Variants in RHOBTB3 observed in about 807,000 individuals in gnomAD.
The protein encoded by RHOBTB3 is Rho related BTB domain containing 3, also known as rho-related BTB domain-containing protein 3.
In RHOBTB3, 47 loss-of-function variants were observed where a neutral mutation model predicts 67.2. That is an observed-to-expected ratio of 0.70 (90% CI 0.55 to 0.89). The LOEUF (loss-of-function observed/expected upper bound fraction) is 0.89. Ranked by LOEUF, RHOBTB3 falls within the 40% of genes least tolerant of loss-of-function variation. The pLI, the probability that RHOBTB3 is intolerant of heterozygous loss-of-function variation, is 0.00. For missense variants in RHOBTB3, 631 were observed against 750.0 expected, an observed-to-expected ratio of 0.84 and a Z score of 1.85; for synonymous variants, 273 against 274.2, an observed-to-expected ratio of 1.00 and a Z score of 0.04.
rs1361867124 is a variant in RHOBTB3 at position 95,776,300 on chromosome 5, G to A, written c.1283-3952G>A. Among the ~76,000 whole-genome samples the A allele has an allele frequency of 3.9e-5, 6 of 152,038 alleles. No homozygotes were observed. In the South Asian group the frequency reaches 6.2e-4, roughly 16 times the overall value. ...CAGACGCCTATAATCCCAGCTACTCGGAAGGCTGAGGCACAAGAATCACTT... is the reference window on the plus strand; with the variant it reads ...CAGACGCCTATAATCCCAGCTACTCAGAAGGCTGAGGCACAAGAATCACTT... On this transcript the variant is annotated intron_variant, in intron 8 of 11. Coordinates refer to ENST00000379982, the MANE Select transcript of RHOBTB3 (RefSeq NM_014899.4).
rs369025051 is a variant in RHOBTB3, at chr5:95,748,444, A to G, written c.527A>G (p.His176Arg). The G allele has an allele frequency of 1.2e-6, 2 of 1,613,616 alleles. No homozygotes were observed. The highest frequency in any genetic ancestry group is 1.7e-6 in the Non-Finnish European group (2 of 1,179,634). Residue 176 changes from histidine (H) to arginine (R), a missense_variant, in exon 4 of 12, where the codon CAC becomes CGC. Transcript: ENST00000379982. ...CTAGGAGCGACCTATCTTGAACTCC[A>G]CAGCCTTGATGACTTCTACATAGGA... is the stretch of plus-strand genomic sequence containing the variant. ...KELGATYLELHSLDDFYIGKY... is the reference protein window; with the variant it reads ...KELGATYLELRSLDDFYIGKY...
Position 95,748,486 on chromosome 5 carries a change from T to C in RHOBTB3, c.569T>C (p.Val190Ala), listed in dbSNP as rs539990691. The change falls in exon 4 of 12, where the codon GTG becomes GCG. Residue 190 changes from valine to alanine, a missense_variant and splice_region_variant. Transcript: ENST00000379982. ...DFYIGKYFGG[V>A]LEYFMIQALN... The stretch of plus-strand genomic sequence containing the variant: ...TACATAGGAAAGTATTTTGGAGGAG[T>C]GGTAAGTGGAAATTCCTGTTAAGTA... The C allele has an allele frequency of 5.6e-6, 9 of 1,604,886 alleles. No individual in the cohort carries two copies. The South Asian group carries it at 1.0e-4, about 18-fold the overall frequency.
At chr5:95,719,154 T>C (rs1754785768) in intron 1 of RHOBTB3, among the ~76,000 whole-genome samples, 1 of 152,158 alleles carries the variant, frequency 6.6e-6, no homozygotes, top group Non-Finnish European at 1.5e-5. Flanking sequence ...ATACTGAGCA[T>C]TTAATGAACA....
At chr5:95,729,135 A>G (rs991481041), upstream of RHOBTB3, among the ~76,000 whole-genome samples, 23 of 152,232 alleles carry the variant, frequency 1.5e-4, no homozygotes, top group African/African-American at 5.3e-4. Flanking sequence ...AGCCCATGAC[A>G]CTGCTCTGCC....
intron 8 of RHOBTB3, among the ~76,000 whole-genome samples, chr5:95,774,786 G>A (rs533847731): frequency 6.6e-6 from 1 of 152,042 alleles, no homozygotes; most frequent in African/African-American, 2.4e-5. Context: ...TGATACAACT[G>A]TATGTTTTTA....
intron 4 of RHOBTB3, chr5:95,751,470 A>G (rs1745087720): frequency 7.0e-6 from 1 of 143,048 alleles, no homozygotes. Context: ...TCTAAAATTA[A>G]AAAAAAAAAA....
chr5:95,748,370 C>T lies in RHOBTB3; in HGVS notation c.453C>T (p.Asp151=). 6.2e-7 allele frequency: 1 copy of T among 1,612,780 alleles called. No homozygotes were observed. The highest frequency in any genetic ancestry group is 8.5e-7 in the Non-Finnish European group (1 of 1,179,090). The change falls in exon 4 of 12, where the codon GAC becomes GAT. Residue 151 remains aspartate, a synonymous_variant. Coordinates refer to ENST00000379982, the MANE Select transcript of RHOBTB3 (RefSeq NM_014899.4). ...GTACATGCCCACTATGTACCTCAGA[C>T]AGAGGGAGCTGTGTTAGTACAACTG... is the stretch of plus-strand genomic sequence containing the variant. The part of the protein sequence containing the change: ...LPCTCPLCTS[D]RGSCVSTTEG...
In RHOBTB3 at chr5:95,731,856, C is replaced by A; in HGVS notation, c.3-3C>A. On this transcript the variant is annotated splice_region_variant and splice_polypyrimidine_tract_variant and intron_variant, in intron 1 of 11. Transcript: ENST00000379982. Reference sequence around the variant, plus strand: ...TCTCCCCTCGCCCCCTCTGTCCGTGCAGGTCCATCCACATCGTGGCGCTGG... The same window carrying A: ...TCTCCCCTCGCCCCCTCTGTCCGTGAAGGTCCATCCACATCGTGGCGCTGG... The A allele has an allele frequency of 1.2e-6, 2 of 1,611,224 alleles. No homozygotes were observed. The highest frequency in any genetic ancestry group is 1.7e-6 in the Non-Finnish European group (2 of 1,177,920).
At chr5:95,790,348 G>A (rs1425580123) in intron 11 of RHOBTB3, among the ~76,000 whole-genome samples, 2 of 152,122 alleles carry the variant, frequency 1.3e-5, no homozygotes, top group African/African-American at 4.8e-5. Flanking sequence ...ATTGCACTTT[G>A]GTCCTGGAGC....
chr5:95,778,839 C>T (rs1394692300), intron 8 of RHOBTB3, among the ~76,000 whole-genome samples: 1 of 152,178 alleles, frequency 6.6e-6, no homozygotes, highest in East Asian at 1.9e-4. Flanking sequence ...GACACTGTCC[C>T]AGTGAGGCGA....
rs1372321961 is a variant in RHOBTB3 at position 95,741,305 on chromosome 5, A to G, written c.415+4230A>G. Among the ~76,000 whole-genome samples, 48 of 150,312 alleles carry G rather than the reference A, an allele frequency of 3.2e-4. 1 individual carries two copies. The highest frequency in any genetic ancestry group is 5.9e-5 in the Non-Finnish European group (4 of 67,636). ...ATCGCACCACTGCACTCCAGCCTGG[A>G]CGACAGAGCGAGACTCTGACTAAAA... is the stretch of plus-strand genomic sequence containing the variant. On this transcript the variant is annotated intron_variant, in intron 3 of 11. Transcript: ENST00000379982.
intron 10 of RHOBTB3, among the ~76,000 whole-genome samples, chr5:95,787,491 A>G (rs1001099995): frequency 4.0e-5 from 6 of 150,988 alleles, no homozygotes; most frequent in Middle Eastern, 3.2e-3. Context: ...TTTTTTTATT[A>G]AGGTTTAGAG....
intron 1 of RHOBTB3, among the ~76,000 whole-genome samples, chr5:95,722,820 G>C (rs1156349772): frequency 6.6e-6 from 1 of 152,176 alleles, no homozygotes; most frequent in Non-Finnish European, 1.5e-5. Context: ...CTAAATAACA[G>C]AGCAGGCATA....
chr5:95,755,411 T>A lies in RHOBTB3; in HGVS notation c.698T>A (p.Leu233Ter). The A allele has an allele frequency of 6.4e-7, 1 of 1,557,244 alleles. No homozygotes were observed. Among genetic ancestry groups the A allele is most frequent in the Non-Finnish European group, 8.7e-7 (1 of 1,154,382 alleles). ...QLEQPEKMPVLKAEASHYNSD... is the reference protein window; with the variant it reads ...QLEQPEKMPV ...TTCAAAACAGAAAAAATGCCTGTCTTAAAGGCTGAAGCGTCACATTATAAC... is the reference window on the plus strand; with the variant it reads ...TTCAAAACAGAAAAAATGCCTGTCTAAAAGGCTGAAGCGTCACATTATAAC... The change falls in exon 6 of 12, where the codon TTA becomes TAA. Residue 233 changes from leucine to a stop codon, truncating the protein, a stop_gained. Coordinates refer to ENST00000379982, the MANE Select transcript of RHOBTB3 (RefSeq NM_014899.4). LOFTEE classifies it high-confidence loss of function.
intron 6 of RHOBTB3, among the ~76,000 whole-genome samples, chr5:95,756,688 G>T (rs1418140074): frequency 6.6e-6 from 1 of 151,870 alleles, no homozygotes; most frequent in Non-Finnish European, 1.5e-5. Flanking sequence ...TTTTTTAATA[G>T]TAGCCATCTT....
chr5:95,732,274 T>A (rs1338907966), intron 2 of RHOBTB3, 190 bp downstream of exon 2: 2 of 628,696 alleles, frequency 3.2e-6, no homozygotes, highest in Non-Finnish European at 2.8e-6. Context: ...CAGAGAACAC[T>A]CTTAGGAAGA....
chr5:95,788,718 G>A (rs1245794837), intron 10 of RHOBTB3, 44 bp from the exon 11 acceptor site: 2 of 1,257,170 alleles, frequency 1.6e-6, no homozygotes, highest in Non-Finnish European at 2.3e-6. Context: ...TCATACCAGT[G>A]GCCATTATGT....
At chr5:95,733,461 C>A (rs529082108) in intron 2 of RHOBTB3, among the ~76,000 whole-genome samples, 8 of 152,192 alleles carry the variant, frequency 5.3e-5, no homozygotes, top group African/African-American at 1.9e-4. Context: ...ATTGCTTTCC[C>A]GTATTTAATT....
intron 8 of RHOBTB3, among the ~76,000 whole-genome samples, chr5:95,779,051 T>C (rs1342347032): frequency 6.6e-6 from 1 of 152,252 alleles, no homozygotes; most frequent in African/African-American, 2.4e-5. Flanking sequence ...ATGTAACTCT[T>C]TTCTTCTTTC....
Sources: gnomAD v4.1 joint callset for allele counts (sites outside exome capture counted in the v4.1 genomes callset) on GRCh38, gnomAD v4.1.1 for gene constraint, MANE v1.5 for transcripts, NCBI Gene and HGNC (gene_info 2026-07-23, HGNC 2026-07-21) for gene names.